Variants in DLC1 observed in about 807,000 individuals in gnomAD.
DLC1 encodes rho GTPase-activating protein 7.
In DLC1, 54 loss-of-function variants were observed where a neutral mutation model predicts 140.3. The ratio of observed to expected loss-of-function variants is 0.38; its 90% CI spans 0.31 to 0.48. DLC1 has a LOEUF of 0.48. DLC1 is among the 20% of genes least tolerant of loss of function. The probability of loss-of-function intolerance (pLI) is 0.96; values close to 1 mark genes in which losing one functional copy is unlikely to be tolerated. For synonymous variants in DLC1, 986 were observed against 728.1 expected (o/e 1.35, Z -5.70); for missense variants, 2,536 against 1,907.0 (o/e 1.33, Z -6.14).
chr8:13,228,493 A>C, intron 5 of DLC1, among the ~76,000 whole-genome samples: 1 of 152,182 alleles, frequency 6.6e-6, no homozygotes, highest in Non-Finnish European at 1.5e-5. Flanking sequence ...TTGTAACCCC[A>C]ACACTTTGGG....
chr8:13,167,521 T>A (rs1825189308), intron 5 of DLC1, among the ~76,000 whole-genome samples: 1 of 152,154 alleles, frequency 6.6e-6, no homozygotes, highest in Non-Finnish European at 1.5e-5. Context: ...ATCTACCGGG[T>A]CTCAAAGCTG....
At chr8:13,217,633 G>C (rs1363501605) in intron 5 of DLC1, among the ~76,000 whole-genome samples, 1 of 152,002 alleles carries the variant, frequency 6.6e-6, no homozygotes, top group Non-Finnish European at 1.5e-5. Flanking sequence ...AGGAGATCGA[G>C]ACCATCCTGG....
At chr8:13,259,230 A>C (rs1422630078) in intron 5 of DLC1, among the ~76,000 whole-genome samples, 2 of 152,270 alleles carry the variant, frequency 1.3e-5, no homozygotes, top group Non-Finnish European at 2.9e-5. Context: ...ACCTGACATG[A>C]AAAATAAATG....
Position 13,105,420 on chromosome 8 carries a change from C to T in DLC1, c.1503-2567G>A, listed in dbSNP as rs181967418. Among the ~76,000 whole-genome samples, 64 of 152,158 alleles carry T rather than the reference C, an allele frequency of 4.2e-4. 2 individuals are homozygous for T. The East Asian group carries it at 0.012, about 29-fold the overall frequency. On this transcript the variant is annotated intron_variant, in intron 7 of 17. Transcript: ENST00000276297. ...GGCCAGGCACTATGCTAGGCACTTC[C>T]TATATATGACTTCATCTTCCCAACG...
intron 5 of DLC1, chr8:13,214,376 G>T (rs1828091293): frequency 2.6e-6 from 1 of 383,818 alleles, no homozygotes. Context: ...TCGGGACCCT[G>T]TTGACAGGCT....
At chr8:13,090,743 C>T (rs1817987951) in intron 14 of DLC1, among the ~76,000 whole-genome samples, 1 of 151,766 alleles carries the variant, frequency 6.6e-6, no homozygotes, top group African/African-American at 2.4e-5. Context: ...AAGCAGGTTT[C>T]TCAGATACGG....
At chr8:13,559,611 A>G (rs939586836) in intron 1 of DLC1, among the ~76,000 whole-genome samples, 1 of 152,242 alleles carries the variant, frequency 6.6e-6, no homozygotes, top group African/African-American at 2.4e-5. Flanking sequence ...CATTGTAAGT[A>G]GAAAAATTAC....
At chr8:13,453,554 A>ATTT (rs1366642550) in intron 2 of DLC1, among the ~76,000 whole-genome samples, 1 of 33,352 alleles carries the variant, frequency 3.0e-5, no homozygotes, top group African/African-American at 1.5e-4. Flanking sequence ...ATATATATAT[A>ATTT]TATTTTTTTT....
intron 2 of DLC1, among the ~76,000 whole-genome samples, chr8:13,412,787 C>G (rs999796974): frequency 6.6e-6 from 1 of 151,870 alleles, no homozygotes; most frequent in African/African-American, 2.4e-5. Context: ...AAAAAATTAG[C>G]CGGGTGTGGT....
rs572012446 is a variant in DLC1, at chr8:13,563,276, C to G, written c.-126+41261G>C. On this transcript the variant is annotated intron_variant, in intron 1 of 1. Coordinates refer to the DLC1 transcript ENST00000631382. Reference sequence around the variant, plus strand: ...TGAGGCAGTCAGATAAATTTGAACACAGAATAATTATTAGATGATATTAAG... The same window carrying G: ...TGAGGCAGTCAGATAAATTTGAACAGAGAATAATTATTAGATGATATTAAG... Among the ~76,000 whole-genome samples, 22 of 152,180 alleles carry G rather than the reference C, an allele frequency of 1.4e-4. No individual in the cohort carries two copies. In the South Asian group the frequency reaches 4.6e-3, roughly 32 times the overall value.
chr8:13,431,643 C>T (rs375004920), intron 2 of DLC1, among the ~76,000 whole-genome samples: 3 of 151,560 alleles, frequency 2.0e-5, no homozygotes, highest in African/African-American at 2.4e-5. Context: ...TCAAGACATA[C>T]ATCTGCTTTA....
At chr8:13,512,572 G>A (rs1185767439) in intron 1 of DLC1, among the ~76,000 whole-genome samples, 1 of 152,004 alleles carries the variant, frequency 6.6e-6, no homozygotes, top group Non-Finnish European at 1.5e-5. Context: ...GTCAACTTAG[G>A]CTTTTTATAT....
At chr8:13,094,159 C>T (rs1484593047) in intron 12 of DLC1, among the ~76,000 whole-genome samples, 3 of 152,122 alleles carry the variant, frequency 2.0e-5, no homozygotes, top group Admixed American at 2.0e-4. Flanking sequence ...TTTATCTGAC[C>T]AGCTCAGATA....
intron 2 of DLC1, among the ~76,000 whole-genome samples, chr8:13,410,039 G>A (rs546249385): frequency 1.3e-5 from 2 of 152,072 alleles, no homozygotes; most frequent in South Asian, 2.1e-4. Flanking sequence ...CTCACCTAGG[G>A]TAATTCCACA....
At chr8:13,439,328 A>T (rs1451784516) in intron 2 of DLC1, among the ~76,000 whole-genome samples, 1 of 152,158 alleles carries the variant, frequency 6.6e-6, no homozygotes, top group East Asian at 1.9e-4. Context: ...CATGTCAAAA[A>T]AACAAAAAGA....
At chr8:13,147,754 C>G (rs1823537873) in intron 5 of DLC1, among the ~76,000 whole-genome samples, 1 of 152,006 alleles carries the variant, frequency 6.6e-6, no homozygotes, top group African/African-American at 2.4e-5. Context: ...CTCTGGGAGG[C>G]CTAGGCGGGC....
chr8:13,287,595 T>G (rs1314404791), intron 5 of DLC1, among the ~76,000 whole-genome samples: 1 of 152,184 alleles, frequency 6.6e-6, no homozygotes, highest in East Asian at 1.9e-4. Flanking sequence ...TCTCATTATT[T>G]GTTATATACA....
In DLC1 at chr8:13,246,722, C is replaced by G. The variant is rs190199834; in HGVS notation, c.1348+58547G>C. On this transcript the variant is annotated intron_variant, in intron 5 of 17. Transcript: ENST00000276297. The stretch of plus-strand genomic sequence containing the variant: ...CACCCACTTGCATGCCATTGCTTCA[C>G]TAACATCTTTATCACATTTATCTGA... Among the ~76,000 whole-genome samples the G allele has an allele frequency of 2.0e-3, 297 of 152,072 alleles. 2 individuals are homozygous for G. Among genetic ancestry groups the G allele is most frequent in the South Asian group, 5.2e-3 (25 of 4,800 alleles).
At chr8:13,107,850 C>T (rs1479147033) in intron 7 of DLC1, among the ~76,000 whole-genome samples, 12 of 152,040 alleles carry the variant, frequency 7.9e-5, no homozygotes, top group Admixed American at 7.9e-4. Flanking sequence ...CAAGACCAGC[C>T]TGGCCAGTAT....
Sources: gnomAD v4.1 joint callset for allele counts (sites outside exome capture counted in the v4.1 genomes callset) on GRCh38, gnomAD v4.1.1 for gene constraint, MANE v1.5 for transcripts, NCBI Gene and HGNC (gene_info 2026-07-23, HGNC 2026-07-21) for gene names.